The following RUNX1 variants were observed in gnomAD, a reference collection of about 807,000 sequenced individuals.
RUNX1 encodes RUNX family transcription factor 1, also known as runt-related transcription factor 1.
RUNX1 carries 19 observed loss-of-function variants against 42.8 expected under a neutral mutation model. The observed-to-expected ratio is 0.44, with a 90% CI of 0.31 to 0.65. The LOEUF (loss-of-function observed/expected upper bound fraction) is 0.65. Ranked by LOEUF, RUNX1 falls within the 30% of genes least tolerant of loss-of-function variation. The pLI is 0.07. For missense variants in RUNX1, 528 were observed against 672.0 expected (o/e 0.79, Z 2.37); for synonymous variants, 271 against 289.4 (o/e 0.94, Z 0.64).
At chr21:34,988,517 G>C (rs1022644108) in intron 2 of RUNX1, among the ~76,000 whole-genome samples, 1 of 152,084 alleles carries the variant, frequency 6.6e-6, no homozygotes, top group Non-Finnish European at 1.5e-5. Context: ...CTGTGCTGTG[G>C]GCACTCGCCT....
At chr21:35,018,053 T>C (rs2059172166) in intron 2 of RUNX1, among the ~76,000 whole-genome samples, 1 of 152,082 alleles carries the variant, frequency 6.6e-6, no homozygotes, top group African/African-American at 2.4e-5. Context: ...TGAGATGGAG[T>C]CTCACTCTGT....
intron 2 of RUNX1, among the ~76,000 whole-genome samples, chr21:34,970,878 T>C (rs933104130): frequency 1.3e-5 from 2 of 152,112 alleles, no homozygotes; most frequent in African/African-American, 4.8e-5. Context: ...TCAAATTATT[T>C]CAAAATTAAA....
intron 5 of RUNX1, among the ~76,000 whole-genome samples, chr21:34,879,570 T>C (rs1353422571): frequency 6.6e-6 from 1 of 152,324 alleles, no homozygotes; most frequent in South Asian, 2.1e-4. Context: ...CTTCCATTTT[T>C]TTCAATACGA....
At chr21:34,799,691 A>G (rs1353711329) in intron 7 of RUNX1, among the ~76,000 whole-genome samples, 1 of 152,104 alleles carries the variant, frequency 6.6e-6, no homozygotes, top group African/African-American at 2.4e-5. Flanking sequence ...ATTCCTTCCA[A>G]AGGTTTTATT....
rs568554781 is a variant in RUNX1, at chr21:34,806,498, G to C, written c.806-7036C>G. On this transcript the variant is annotated intron_variant, in intron 7 of 8. Coordinates refer to ENST00000675419, the MANE Select transcript of RUNX1 (RefSeq NM_001754.5). The stretch of plus-strand genomic sequence containing the variant: ...AAAAAACATGAGGCAAAAACTGATA[G>C]AACTACACGGAGAAATAGGTAAATA... Among the ~76,000 whole-genome samples the C allele has an allele frequency of 4.6e-5, 7 of 152,256 alleles. No homozygotes were observed. The South Asian group carries it at 1.4e-3, about 32-fold the overall frequency.
chr21:34,789,680 C>G lies in RUNX1; in HGVS notation c.*2455G>C. ...AACTACAGTTTGATTTTTTTTGAAA[C>G]AATTAAATACTATATATGCTGGTAA... On this transcript the variant is annotated 3_prime_UTR_variant, in exon 9 of 9. Transcript: ENST00000675419. 4.3e-6 allele frequency: 1 copy of G among 232,904 alleles called. No homozygotes were observed. Among genetic ancestry groups the G allele is most frequent in the Non-Finnish European group, 8.5e-6 (1 of 117,994 alleles). 14.4% of individuals were successfully genotyped at this position (232,904 alleles called of 1,614,324 possible). A position where few individuals can be genotyped will look rare whatever the true frequency, so the allele number is the denominator to read the frequency against.
chr21:34,836,558 A>T (rs1458032562), intron 6 of RUNX1, among the ~76,000 whole-genome samples: 2 of 152,194 alleles, frequency 1.3e-5, no homozygotes, highest in Non-Finnish European at 2.9e-5. Context: ...CATTCAAAAC[A>T]TAATAACTCA....
At chr21:34,953,086 A>T (rs1464052711) in intron 2 of RUNX1, among the ~76,000 whole-genome samples, 1 of 152,026 alleles carries the variant, frequency 6.6e-6, no homozygotes, top group Non-Finnish European at 1.5e-5. Flanking sequence ...AGGGATGGCT[A>T]CAGTTATGAT....
chr21:34,866,000 T>A (rs1289879199), intron 5 of RUNX1, among the ~76,000 whole-genome samples: 1 of 152,200 alleles, frequency 6.6e-6, no homozygotes, highest in Non-Finnish European at 1.5e-5. Context: ...CTCGGCCTCC[T>A]CAGGTCTAGT....
chr21:34,806,931 C>T (rs1267151310), intron 7 of RUNX1, among the ~76,000 whole-genome samples: 1 of 151,910 alleles, frequency 6.6e-6, no homozygotes, highest in Non-Finnish European at 1.5e-5. Context: ...AATGAAAATA[C>T]AACTTATTAC....
chr21:34,812,156 G>A (rs2145958332), intron 7 of RUNX1, among the ~76,000 whole-genome samples: 1 of 152,292 alleles, frequency 6.6e-6, no homozygotes, highest in South Asian at 2.1e-4. Context: ...GGATTTCTTT[G>A]GCTTGTGAGC....
intron 2 of RUNX1, among the ~76,000 whole-genome samples, chr21:34,972,303 A>G (rs1230034827): frequency 6.6e-6 from 1 of 152,178 alleles, no homozygotes; most frequent in South Asian, 2.1e-4. Context: ...CTATGGCAAA[A>G]CATTTTCCAA....
At chr21:35,045,652 C>T (rs921011735) in intron 2 of RUNX1, among the ~76,000 whole-genome samples, 6 of 152,132 alleles carry the variant, frequency 3.9e-5, no homozygotes, top group African/African-American at 1.4e-4. Context: ...CAGTCTCCCT[C>T]CAGAACTGTG....
At chr21:35,048,708 T>A in intron 2 of RUNX1, 134 bp downstream of exon 2, 1 of 790,692 alleles carries the variant, frequency 1.3e-6, no homozygotes, top group Non-Finnish European at 2.3e-6. Flanking sequence ...ATGCCTCAGT[T>A]TGAATTCCTC....
chr21:34,838,656 T>C (rs922897723), intron 6 of RUNX1, among the ~76,000 whole-genome samples: 1 of 152,196 alleles, frequency 6.6e-6, no homozygotes, highest in African/African-American at 2.4e-5. Flanking sequence ...TTCCTTTGAT[T>C]TGCTACTGTT....
intron 5 of RUNX1, among the ~76,000 whole-genome samples, chr21:34,872,338 G>A (rs1048591680): frequency 1.3e-4 from 20 of 152,174 alleles, no homozygotes; most frequent in Non-Finnish European, 7.3e-5. Flanking sequence ...ACAGTGGGGA[G>A]CCTTCTCGGA....
At chr21:34,827,195 T>C (rs1441837916) in intron 7 of RUNX1, among the ~76,000 whole-genome samples, 3 of 152,236 alleles carry the variant, frequency 2.0e-5, no homozygotes, top group Non-Finnish European at 4.4e-5. Flanking sequence ...AAATTGTGTC[T>C]GTGTCCTAGG....
chr21:35,038,237 C>T (rs982512503), intron 2 of RUNX1, among the ~76,000 whole-genome samples: 5 of 152,116 alleles, frequency 3.3e-5, no homozygotes, highest in African/African-American at 9.7e-5. Flanking sequence ...ACCAATACCT[C>T]GATTCTAAAG....
chr21:34,830,176 A>G (rs79691048), intron 7 of RUNX1, among the ~76,000 whole-genome samples: 1,802 of 152,342 alleles, frequency 0.012, 38 homozygotes, highest in African/African-American at 0.041. Flanking sequence ...CATACTCATA[A>G]AAGTGGATTA....
Sources: allele counts gnomAD v4.1 joint callset (sites outside exome capture counted in the v4.1 genomes callset), GRCh38; gene constraint gnomAD v4.1.1; transcripts MANE v1.5; gene names NCBI Gene and HGNC (gene_info 2026-07-23, HGNC 2026-07-21).